The following KAZN variants were observed in gnomAD, a reference collection of about 807,000 sequenced individuals.
KAZN encodes the protein kazrin.
Under a neutral mutation model 87.4 loss-of-function variants are expected in KAZN, and 40 were observed. That is an observed-to-expected ratio of 0.46 (90% CI 0.36 to 0.60). The LOEUF (loss-of-function observed/expected upper bound fraction) is 0.60. KAZN is among the 20% of genes least tolerant of loss of function. KAZN has a pLI of 0.00. For missense variants in KAZN, 898 were observed against 1,073.9 expected (o/e 0.84, Z 2.29); for synonymous variants, 466 against 458.3 (o/e 1.02, Z -0.22).
At chr1:14,263,681 A>G (rs932218326) in intron 2 of KAZN, among the ~76,000 whole-genome samples, 1 of 152,242 alleles carries the variant, frequency 6.6e-6, no homozygotes, top group African/African-American at 2.4e-5. Flanking sequence ...TGTAAAAGCA[A>G]ACTAACAGAA....
At chr1:14,952,902 CTTTG>C (rs1662668893) in intron 1 of KAZN, among the ~76,000 whole-genome samples, 1 of 152,160 alleles carries the variant, frequency 6.6e-6, no homozygotes, top group Non-Finnish European at 1.5e-5. Context: ...GAGATGATTG[CTTTG>C]TTTAATGTTT....
chr1:14,884,769 A>T (rs1001825242), intron 1 of KAZN, among the ~76,000 whole-genome samples: 1 of 152,212 alleles, frequency 6.6e-6, no homozygotes, highest in Admixed American at 6.5e-5. Flanking sequence ...TCTGGGGATC[A>T]CACTGTGAAT....
chr1:14,704,325 A>G (rs563553315), intron 1 of KAZN, among the ~76,000 whole-genome samples: 1 of 152,396 alleles, frequency 6.6e-6, no homozygotes, highest in Non-Finnish European at 1.5e-5. Context: ...TAGACCTTCC[A>G]TCATACCATG....
chr1:14,654,514 C>T (rs1397387625), intron 1 of KAZN, among the ~76,000 whole-genome samples: 1 of 151,894 alleles, frequency 6.6e-6, no homozygotes, highest in African/African-American at 2.4e-5. Context: ...TGCAAAATAG[C>T]CCCCGCTTTA....
intron 2 of KAZN, among the ~76,000 whole-genome samples, chr1:14,405,207 C>T (rs11582080): frequency 0.017 from 2,534 of 152,280 alleles, 29 homozygotes; most frequent in Non-Finnish European, 0.026. Context: ...AATGCAGATT[C>T]TTTCTCTTTT....
chr1:14,615,175 T>G (rs1366215001), intron 1 of KAZN, among the ~76,000 whole-genome samples: 1 of 152,216 alleles, frequency 6.6e-6, no homozygotes, highest in Non-Finnish European at 1.5e-5. Flanking sequence ...ACTCTATGAT[T>G]GACAGAGCAC....
Position 14,236,955 on chromosome 1 carries a change from A to G in KAZN, c.249+56363A>G, listed in dbSNP as rs111941907. 5.1e-4 allele frequency among the ~76,000 whole-genome samples: 77 copies of G among 152,346 alleles called. 1 individual carries two copies. Among genetic ancestry groups the G allele is most frequent in the African/African-American group, 1.8e-3 (74 of 41,580 alleles). On this transcript the variant is annotated intron_variant, in intron 2 of 16. Transcript: ENST00000636203. ...TAAAGTATTAATAAAGAGAAGTGTTATTGAAATAACATTAAAGAAACAAAA... is the reference window on the plus strand; with the variant it reads ...TAAAGTATTAATAAAGAGAAGTGTTGTTGAAATAACATTAAAGAAACAAAA...
Position 14,769,500 on chromosome 1 carries a change from G to A in KAZN, c.226+170277G>A, listed in dbSNP as rs10754870. ...CTCCTGAGTATCTGGGATTACAGGCGCCCACCACCACGCCCGGCTAATTTT... is the reference window on the plus strand; with the variant it reads ...CTCCTGAGTATCTGGGATTACAGGCACCCACCACCACGCCCGGCTAATTTT... On this transcript the variant is annotated intron_variant, in intron 1 of 14. Transcript: ENST00000376030. The surrounding 1 kb of genome is among the most constrained non-coding windows in gnomAD (Gnocchi z 4.1). Among the ~76,000 whole-genome samples the A allele has an allele frequency of 0.7, 106,654 of 151,890 alleles. 38,367 individuals are homozygous for A. Among genetic ancestry groups the A allele is most frequent in the Middle Eastern group, 0.84 (247 of 294 alleles).
chr1:14,335,106 G>GCCCCCCC (rs35092746), intron 2 of KAZN, among the ~76,000 whole-genome samples: 1 of 146,120 alleles, frequency 6.8e-6, no homozygotes, highest in Admixed American at 6.8e-5. Flanking sequence ...ATGACTCGGT[G>GCCCCCCC]CCCCCCCCCC....
chr1:14,053,161 G>A (rs1161954710), intron 1 of KAZN, among the ~76,000 whole-genome samples: 1 of 152,198 alleles, frequency 6.6e-6, no homozygotes, highest in Non-Finnish European at 1.5e-5. Flanking sequence ...TAGAGTTGCT[G>A]TTGTTCTCCC....
At chr1:13,959,021 A>G (rs1320645025) in intron 1 of KAZN, among the ~76,000 whole-genome samples, 1 of 152,112 alleles carries the variant, frequency 6.6e-6, no homozygotes, top group Non-Finnish European at 1.5e-5. Context: ...AGGCCCACCC[A>G]CAGTCTTGCT....
intron 1 of KAZN, among the ~76,000 whole-genome samples, chr1:14,828,809 G>A (rs1262482422): frequency 6.6e-6 from 1 of 152,170 alleles, no homozygotes; most frequent in Non-Finnish European, 1.5e-5. Flanking sequence ...GGCATCCAGA[G>A]GTTGGTGGTT....
chr1:13,932,258 A>G (rs889338609), intron 1 of KAZN, among the ~76,000 whole-genome samples: 1 of 43,130 alleles, frequency 2.3e-5, no homozygotes, highest in African/African-American at 8.0e-5. Context: ...CTTATTAAAC[A>G]TTTTTTTTTT....
chr1:14,659,397 G>A (rs1001505856), intron 1 of KAZN, among the ~76,000 whole-genome samples: 1 of 152,000 alleles, frequency 6.6e-6, no homozygotes, highest in Non-Finnish European at 1.5e-5. Context: ...GGACACTCTG[G>A]GGTTTTATGG....
intron 2 of KAZN, among the ~76,000 whole-genome samples, chr1:14,303,550 T>C (rs1156359642): frequency 2.6e-5 from 4 of 152,212 alleles, no homozygotes; most frequent in Admixed American, 1.3e-4. Context: ...GACGGGAATC[T>C]GCACTTTTAA....
intron 1 of KAZN, among the ~76,000 whole-genome samples, chr1:14,604,598 C>T (rs1274388201): frequency 6.6e-6 from 1 of 152,220 alleles, no homozygotes; most frequent in Non-Finnish European, 1.5e-5. Flanking sequence ...TCCTAGGCTG[C>T]TGGAAACATG....
chr1:14,180,581 A>G (rs761538204), exon 2 of KAZN: 1 of 1,549,208 alleles, frequency 6.5e-7, no homozygotes, highest in Non-Finnish European at 8.7e-7. Context: ...GCACCTCTTA[A>G]TGGATGCTCA....
At position 15,010,812 on chromosome 1, in the gene KAZN, C is replaced by T. The variant is rs538347968; in HGVS notation, c.419-23937C>T. Among the ~76,000 whole-genome samples the T allele has an allele frequency of 5.2e-4, 79 of 152,260 alleles. 1 individual carries two copies. Among genetic ancestry groups the T allele is most frequent in the Admixed American group, 2.4e-3 (37 of 15,294 alleles). ...CCTTTTTCATGGAGTAGCTAGAACCCTTCCATAAACAGACCCCTCCATCAT... is the reference window on the plus strand; with the variant it reads ...CCTTTTTCATGGAGTAGCTAGAACCTTTCCATAAACAGACCCCTCCATCAT... On this transcript the variant is annotated intron_variant, in intron 2 of 14. Coordinates refer to ENST00000376030, the MANE Select transcript of KAZN (RefSeq NM_201628.3).
chr1:14,019,939 CA>C (rs1364994068), intron 1 of KAZN, among the ~76,000 whole-genome samples: 1 of 152,056 alleles, frequency 6.6e-6, no homozygotes, highest in African/African-American at 2.4e-5. Flanking sequence ...ATTATTGTTA[CA>C]TTGAAATATA....
Sources: allele counts gnomAD v4.1 joint callset (sites outside exome capture counted in the v4.1 genomes callset), GRCh38; gene constraint gnomAD v4.1.1; non-coding constraint Gnocchi (gnomAD v3.1); transcripts MANE v1.5; gene names NCBI Gene and HGNC (gene_info 2026-07-23, HGNC 2026-07-21).